MMADHC: variants seen among roughly 807,000 people sequenced by gnomAD.
The protein encoded by MMADHC is cobalamin trafficking protein CblD.
In MMADHC, 23 loss-of-function variants were observed where a neutral mutation model predicts 36.3. The ratio of observed to expected loss-of-function variants is 0.63; its 90% CI spans 0.46 to 0.90. MMADHC has a LOEUF of 0.90. Ranked by LOEUF, MMADHC falls within the 40% of genes least tolerant of loss-of-function variation. The pLI is 0.00. For missense variants in MMADHC, 330 were observed against 348.0 expected (o/e 0.95, Z 0.41); for synonymous variants, 97 against 116.1 (o/e 0.84, Z 1.06).
At chr2:149,574,973 T>C (rs1682692584) in intron 6 of MMADHC, among the ~76,000 whole-genome samples, 1 of 152,116 alleles carries the variant, frequency 6.6e-6, no homozygotes, top group Non-Finnish European at 1.5e-5. Flanking sequence ...ATAATTTTTT[T>C]TGTAGAGACA....
chr2:149,573,690 G>A (rs1209175420), intron 6 of MMADHC, among the ~76,000 whole-genome samples: 3 of 151,804 alleles, frequency 2.0e-5, no homozygotes, highest in Non-Finnish European at 4.4e-5. Flanking sequence ...ATTTATTGCT[G>A]TATTTTATTA....
At chr2:149,576,677 G>C in intron 4 of MMADHC, 135 bp from the exon 5 acceptor site, 1 of 663,592 alleles carries the variant, frequency 1.5e-6, no homozygotes, top group Non-Finnish European at 2.7e-6. Context: ...TGGGAGGTGA[G>C]GTAATAACAT....
At chr2:149,571,441 G>A (rs1004386758) in intron 6 of MMADHC, among the ~76,000 whole-genome samples, 1 of 152,118 alleles carries the variant, frequency 6.6e-6, no homozygotes, top group African/African-American at 2.4e-5. Context: ...TACTTCTAAT[G>A]AGTTCTGTAC....
intron 2 of MMADHC, among the ~76,000 whole-genome samples, chr2:149,584,388 C>A (rs1423624356): frequency 2.0e-5 from 3 of 152,054 alleles, no homozygotes; most frequent in African/African-American, 7.2e-5. Flanking sequence ...CATAACAATT[C>A]TATATACTGT....
intron 7 of MMADHC, 145 bp from the exon 8 acceptor site, chr2:149,570,313 C>T (rs896411717): frequency 2.8e-5 from 20 of 705,308 alleles, no homozygotes; most frequent in East Asian, 2.7e-4. Context: ...ACACTTAAAC[C>T]GCCTTAATAT....
intron 6 of MMADHC, among the ~76,000 whole-genome samples, chr2:149,571,502 A>G (rs1269175574): frequency 1.3e-5 from 2 of 152,176 alleles, no homozygotes; most frequent in East Asian, 3.9e-4. Flanking sequence ...GCTATTTTGT[A>G]TTACTATGGT....
At chr2:149,571,778 T>C (rs1042094870) in intron 6 of MMADHC, among the ~76,000 whole-genome samples, 10 of 91,412 alleles carry the variant, frequency 1.1e-4, no homozygotes, top group African/African-American at 2.7e-4. Context: ...AGACTCCATC[T>C]CAAAAAAAAA....
At chr2:149,583,212 G>C (rs1232226922) in intron 2 of MMADHC, among the ~76,000 whole-genome samples, 1 of 152,162 alleles carries the variant, frequency 6.6e-6, no homozygotes, top group Non-Finnish European at 1.5e-5. Context: ...GAAATGCTAT[G>C]AAAAGATCTG....
At position 149,576,560 on chromosome 2, in the gene MMADHC, A is replaced by G. The variant is rs780695494; in HGVS notation, c.373-18T>C. 6.0e-6 allele frequency: 9 copies of G among 1,511,122 alleles called. No homozygotes were observed. The highest frequency in any genetic ancestry group is 2.7e-5 in the African/African-American group (2 of 72,808). 93.6% of individuals were successfully genotyped at this position (1,511,122 alleles called of 1,614,324 possible). On this transcript the variant is annotated intron_variant, in intron 4 of 7. Transcript: ENST00000303319. ...TCATTACCCTAAGGGGAACAAGGAT[A>G]TAAGTCAACAAAATCTGGAGTTCAA...
chr2:149,571,098 G>T lies in MMADHC; in HGVS notation c.683C>A (p.Ser228Ter), dbSNP rs751159722. The part of the protein sequence containing the change: ...EGYWADFIDP[S>*]SGLAFFGPYT... ...ATAATTACTCACTGCCAAACCAGAT[G>T]ATGGGTCAATAAAGTCAGCCCAATA... Residue 228 changes from serine to a stop codon, truncating the protein, a stop_gained, in exon 7 of 8, where the codon TCA becomes TAA. Coordinates refer to ENST00000303319, the MANE Select transcript of MMADHC (RefSeq NM_015702.3). LOFTEE classifies it high-confidence loss of function. 2 of 1,611,188 alleles carry T rather than the reference G, an allele frequency of 1.2e-6. No individual in the cohort carries two copies. Among genetic ancestry groups the T allele is most frequent in the Non-Finnish European group, 1.7e-6 (2 of 1,177,622 alleles).
intron 6 of MMADHC, among the ~76,000 whole-genome samples, chr2:149,574,824 T>C (rs6744828): frequency 6.6e-6 from 1 of 152,040 alleles, no homozygotes; most frequent in Non-Finnish European, 1.5e-5. Flanking sequence ...TAAGAGATGG[T>C]AGGTATCACT....
intron 4 of MMADHC, 71 bp from the exon 5 acceptor site, chr2:149,576,613 CCT>C: frequency 9.3e-7 from 1 of 1,070,466 alleles, no homozygotes; most frequent in South Asian, 1.3e-5. Context: ...CTGTTATAAA[CCT>C]GTCTTCCTTA....
intron 2 of MMADHC, among the ~76,000 whole-genome samples, chr2:149,586,434 A>C (rs1220609420): frequency 6.6e-6 from 1 of 152,118 alleles, no homozygotes; most frequent in Non-Finnish European, 1.5e-5. Context: ...TACAAATCCC[A>C]CCTATCTTTC....
At chr2:149,575,486 C>T (rs995380812) in intron 6 of MMADHC, among the ~76,000 whole-genome samples, 1 of 151,984 alleles carries the variant, frequency 6.6e-6, no homozygotes, top group African/African-American at 2.4e-5. Context: ...CCAAAATAGA[C>T]TTTTTAAAAA....
rs369822209 is a variant in MMADHC at position 149,575,789 on chromosome 2, A to C, written c.531T>G (p.Thr177=). The C allele has an allele frequency of 1.2e-6, 2 of 1,608,502 alleles. No individual in the cohort carries two copies. The highest frequency in any genetic ancestry group is 2.7e-5 in the African/African-American group (2 of 74,808). ...TATCATTCTTAGTTTTTTGTGTTAC[A>C]GTCAGAATCATTAGTTTGCCATTAG... ...EVANGKLMIL[T]VTQKTKNDMT... is the part of the protein sequence containing the mutation. The change falls in exon 6 of 8, where the codon ACT becomes ACG. Residue 177 remains threonine (T), a synonymous_variant. Coordinates refer to ENST00000303319, the MANE Select transcript of MMADHC (RefSeq NM_015702.3).
intron 6 of MMADHC, among the ~76,000 whole-genome samples, chr2:149,574,566 A>G (rs928435275): frequency 2.0e-5 from 3 of 152,126 alleles, no homozygotes; most frequent in Non-Finnish European, 2.9e-5. Flanking sequence ...TGAGTTGGAA[A>G]GAACTGCTAA....
chr2:149,578,836 G>A (rs2105047647), intron 4 of MMADHC, among the ~76,000 whole-genome samples: 1 of 151,720 alleles, frequency 6.6e-6, no homozygotes, highest in Middle Eastern at 3.4e-3. Flanking sequence ...ATAACCATCA[G>A]GGGTTTGACA....
chr2:149,580,244 G>A (rs1200469646), intron 3 of MMADHC, among the ~76,000 whole-genome samples: 2 of 152,090 alleles, frequency 1.3e-5, no homozygotes, highest in East Asian at 1.9e-4. Flanking sequence ...TTACAGTCAT[G>A]AGCCACTGTG....
chr2:149,587,075 G>T lies in MMADHC; in HGVS notation c.9+14C>A, dbSNP rs140075619. The T allele has an allele frequency of 6.2e-7, 1 of 1,613,164 alleles. No individual in the cohort carries two copies. Among genetic ancestry groups the T allele is most frequent in the Non-Finnish European group, 8.5e-7 (1 of 1,179,268 alleles). On this transcript the variant is annotated intron_variant, in intron 2 of 7. Coordinates refer to ENST00000303319, the MANE Select transcript of MMADHC (RefSeq NM_015702.3). Reference sequence around the variant, plus strand: ...GAGTTTACTATGCTGATTCTTAAGAGATAATTTACTCACATTGGCCATCTC... The same window carrying T: ...GAGTTTACTATGCTGATTCTTAAGATATAATTTACTCACATTGGCCATCTC...
Sources: gnomAD v4.1 joint callset for allele counts (sites outside exome capture counted in the v4.1 genomes callset) on GRCh38, gnomAD v4.1.1 for gene constraint, MANE v1.5 for transcripts, NCBI Gene and HGNC (gene_info 2026-07-23, HGNC 2026-07-21) for gene names.